SLC25A45: variants seen among roughly 807,000 people sequenced by gnomAD.
SLC25A45 encodes solute carrier family 25 member 45.
SLC25A45 carries 22 observed loss-of-function variants against 23.0 expected under a neutral mutation model. The ratio of observed to expected loss-of-function variants is 0.95; its 90% CI spans 0.68 to 1.36. The LOEUF (loss-of-function observed/expected upper bound fraction) is 1.36. Ranked by LOEUF, SLC25A45 falls within the 40% of genes most tolerant of loss-of-function variation. SLC25A45 has a pLI of 0.00. For synonymous variants in SLC25A45, 136 were observed against 155.0 expected (o/e 0.88, Z 0.91); for missense variants, 355 against 383.5 (o/e 0.93, Z 0.62).
At position 65,379,884 on chromosome 11, in the gene SLC25A45, TCTTGACCATGCAATCAA is replaced by T; in HGVS notation, c.119_135del (p.Val40AspfsTer5). 1 of 1,614,154 alleles carries T rather than the reference TCTTGACCATGCAATCAA, an allele frequency of 6.2e-7. No individual in the cohort carries two copies. The highest frequency in any genetic ancestry group is 8.5e-7 in the Non-Finnish European group (1 of 1,180,020). On this transcript the variant is annotated frameshift_variant, in exon 4 of 7. Transcript: ENST00000398802. LOFTEE classifies it high-confidence loss of function. The stretch of plus-strand genomic sequence containing the variant: ...CCACTCACGGACTCATGGCGGTAAA[TCTTGACCATGCAATCAA>T]CGATGCCCCGGTAGGTGGTCTGGGT...
At chr11:65,381,809 G>T in intron 2 of SLC25A45, 106 bp downstream of exon 2, 2 of 1,419,842 alleles carry the variant, frequency 1.4e-6, no homozygotes, top group South Asian at 1.1e-5. Context: ...CCTCCCGCCA[G>T]GCCGGAACTC....
At chr11:65,379,685 C>T in intron 4 of SLC25A45, 124 bp from the exon 5 acceptor site, 2 of 1,271,272 alleles carry the variant, frequency 1.6e-6, no homozygotes, top group South Asian at 1.5e-5. Flanking sequence ...GAAGTGGGGA[C>T]AGGCAGGGAT....
chr11:65,376,919 C>G lies in SLC25A45; in HGVS notation c.497G>C (p.Gly166Ala). 3 of 1,613,462 alleles carry G rather than the reference C, an allele frequency of 1.9e-6. No homozygotes were observed. Among genetic ancestry groups the G allele is most frequent in the Non-Finnish European group, 2.5e-6 (3 of 1,179,506 alleles). The change falls in exon 6 of 7, where the codon GGA becomes GCA. Residue 166 changes from glycine (G) to alanine (A), a missense_variant. Coordinates refer to ENST00000398802, the MANE Select transcript of SLC25A45 (RefSeq NM_182556.4). Reference sequence around the variant, plus strand: ...GTCCCTCAGCGTCAGGGCCCAGGCTCCTCGGAACAGCCCCCGGGGCCCCTC... The same window carrying G: ...GTCCCTCAGCGTCAGGGCCCAGGCTGCTCGGAACAGCCCCCGGGGCCCCTC... ...REEGPRGLFRGAWALTLRDTP... is the reference protein window; with the variant it reads ...REEGPRGLFRAAWALTLRDTP...
rs115561468 is a variant in SLC25A45, at chr11:65,380,110, C to T, written c.81+22G>A. 5.6e-3 allele frequency: 8,971 copies of T among 1,610,596 alleles called. 494 individuals carry two copies. In the African/African-American group the frequency reaches 0.11, roughly 19 times the overall value. On this transcript the variant is annotated intron_variant, in intron 3 of 6. Transcript: ENST00000398802. Reference sequence around the variant, plus strand: ...GGGTCAGGTGAGATCTTTCATTCCTCTGGCAGCTCTCCTAAACTCACCTTT... The same window carrying T: ...GGGTCAGGTGAGATCTTTCATTCCTTTGGCAGCTCTCCTAAACTCACCTTT...
chr11:65,381,535 A>T (rs1390429200), intron 2 of SLC25A45: 1 of 229,818 alleles, frequency 4.4e-6, no homozygotes, highest in African/African-American at 2.4e-5. Flanking sequence ...CTGGGATTAC[A>T]GGTGTGAGCC....
At position 65,382,456 on chromosome 11, in the gene SLC25A45, G is replaced by T. The variant is rs1389320520; in HGVS notation, c.-19+30C>A. On this transcript the variant is annotated intron_variant, in intron 1 of 6. Coordinates refer to ENST00000398802, the MANE Select transcript of SLC25A45 (RefSeq NM_182556.4). This position sits in a 1 kb window ranked among gnomAD's most constrained non-coding sequence, Gnocchi z 4.4. ...CGCATTTGCCGCTGCGTGGCAGGGT[G>T]GGGAGGAGCCACTCCCAGGAGTGAC... 2 of 182,504 alleles carry T rather than the reference G, an allele frequency of 1.1e-5. No homozygotes were observed. Among genetic ancestry groups the T allele is most frequent in the East Asian group, 1.4e-4 (1 of 7,382 alleles). The allele number at this position is 182,504 out of a possible 1,614,324, so 11.3% of individuals were successfully genotyped here.
intron 2 of SLC25A45, 36 bp from the exon 3 acceptor site, chr11:65,380,211 T>C: frequency 6.2e-7 from 1 of 1,613,906 alleles, no homozygotes; most frequent in East Asian, 2.2e-5. Context: ...GTGAGGGCCC[T>C]CGTGCCAGGC....
chr11:65,382,105 G>C lies in SLC25A45; in HGVS notation c.-18-136C>G. On this transcript the variant is annotated intron_variant, in intron 1 of 6. Coordinates refer to ENST00000398802, the MANE Select transcript of SLC25A45 (RefSeq NM_182556.4). The surrounding 1 kb of genome is among the most constrained non-coding windows in gnomAD (Gnocchi z 4.4). ...CTGGTGCCCAGACCTCCGGCAACTG[G>C]CAGAGGAGAGCGAGCCAGTTCCGGT... 1.4e-6 allele frequency: 1 copy of C among 691,412 alleles called. No individual in the cohort carries two copies. Among genetic ancestry groups the C allele is most frequent in the East Asian group, 2.7e-5 (1 of 36,964 alleles). 42.8% of individuals were successfully genotyped at this position (691,412 alleles called of 1,614,324 possible). A position where few individuals can be genotyped will look rare whatever the true frequency, so the allele number is the denominator to read the frequency against.
chr11:65,379,746 G>C, intron 4 of SLC25A45, 121 bp downstream of exon 4: 1 of 1,385,820 alleles, frequency 7.2e-7, no homozygotes, highest in Non-Finnish European at 1.0e-6. Context: ...GGCCCCCCAA[G>C]GATCCCAGAC....
rs1855635272 is a variant in SLC25A45 at position 65,382,638 on chromosome 11, T to C, written c.-171A>G. ...GTGTTGATCTGCAATGGCACCATTCTGCTCAGTCAAAACCAAAACCCTTTC... is the reference window on the plus strand; with the variant it reads ...GTGTTGATCTGCAATGGCACCATTCCGCTCAGTCAAAACCAAAACCCTTTC... On this transcript the variant is annotated 5_prime_UTR_variant, in exon 1 of 7. Coordinates refer to ENST00000398802, the MANE Select transcript of SLC25A45 (RefSeq NM_182556.4). The surrounding 1 kb of genome is among the most constrained non-coding windows in gnomAD (Gnocchi z 4.4). 6.5e-6 allele frequency: 1 copy of C among 152,964 alleles called. No homozygotes were observed. Among genetic ancestry groups the C allele is most frequent in the African/African-American group, 2.4e-5 (1 of 41,438 alleles). The allele number at this position is 152,964 out of a possible 1,614,324, so 9.5% of individuals were successfully genotyped here. A position where few individuals can be genotyped will look rare whatever the true frequency, so the allele number is the denominator to read the frequency against.
In SLC25A45 at chr11:65,382,530, T is replaced by TCC. The variant is rs369551172; in HGVS notation, c.-65_-64dup. On this transcript the variant is annotated 5_prime_UTR_variant, in exon 1 of 7. Transcript: ENST00000398802. The surrounding 1 kb of genome is among the most constrained non-coding windows in gnomAD (Gnocchi z 4.4). ...CAGGGTTGTTTACGACTCCCCCGAC[T>TCC]CCCCCGTGTGAGTCAGAAACACAGC... 1.7e-3 allele frequency: 260 copies of TCC among 154,990 alleles called. 1 individual carries two copies. Among genetic ancestry groups the TCC allele is most frequent in the African/African-American group, 6.1e-3 (252 of 41,584 alleles). The allele number at this position is 154,990 out of a possible 1,614,324, so 9.6% of individuals were successfully genotyped here. A position where few individuals can be genotyped will look rare whatever the true frequency, so the allele number is the denominator to read the frequency against.
At position 65,376,805 on chromosome 11, in the gene SLC25A45, C is replaced by A; in HGVS notation, c.598+13G>T. Reference sequence around the variant, plus strand: ...CACCTCTGTCCCCCATCCTCTCACGCCACTTTACTTACTGGGATTCTGGCC... The same window carrying A: ...CACCTCTGTCCCCCATCCTCTCACGACACTTTACTTACTGGGATTCTGGCC... On this transcript the variant is annotated intron_variant, in intron 6 of 6. Transcript: ENST00000398802. The A allele has an allele frequency of 6.2e-7, 1 of 1,614,238 alleles. No individual in the cohort carries two copies. Among genetic ancestry groups the A allele is most frequent in the Non-Finnish European group, 8.5e-7 (1 of 1,180,046 alleles).
chr11:65,377,070 A>G lies in SLC25A45; in HGVS notation c.346T>C (p.Cys116Arg), dbSNP rs887735791. ...GCTGGFLQAY[C>R]LAPFDLIKVR... ...TTGATGAGGTCAAAAGGAGCCAGAC[A>G]GTAGGCCTGTTGGTGATGAAACATG... Residue 116 changes from cysteine (C) to arginine (R), a missense_variant, in exon 6 of 7, where the codon TGT becomes CGT. Transcript: ENST00000398802. The G allele has an allele frequency of 1.2e-6, 2 of 1,613,090 alleles. No homozygotes were observed. The highest frequency in any genetic ancestry group is 1.7e-6 in the Non-Finnish European group (2 of 1,179,474).
intron 2 of SLC25A45, chr11:65,380,790 TAA>T (rs1307535924): frequency 1.2e-5 from 4 of 338,130 alleles, no homozygotes; most frequent in Non-Finnish European, 2.3e-5. Flanking sequence ...CTCTTTCTCC[TAA>T]GAGGAATGCC....
intron 4 of SLC25A45, 64 bp from the exon 5 acceptor site, chr11:65,379,625 C>A (rs936123363): frequency 1.3e-4 from 195 of 1,493,708 alleles, no homozygotes; most frequent in Non-Finnish European, 1.7e-4. Context: ...CCTCTCCACC[C>A]CTGGCAAGGC....
intron 5 of SLC25A45, 127 bp from the exon 6 acceptor site, chr11:65,377,203 C>T: frequency 6.9e-7 from 1 of 1,448,336 alleles, no homozygotes; most frequent in Non-Finnish European, 9.1e-7. Context: ...CCTGCCGGCA[C>T]CCAGCCTCTC....
At position 65,375,814 on chromosome 11, in the gene SLC25A45, G is replaced by A. The variant is rs1202622837; in HGVS notation, c.*593C>T. Reference sequence around the variant, plus strand: ...GCGGTGGCTCACGCCTGTAATCCCAGCACTTTGAGAGGCCGACGCGGGCGG... The same window carrying A: ...GCGGTGGCTCACGCCTGTAATCCCAACACTTTGAGAGGCCGACGCGGGCGG... On this transcript the variant is annotated 3_prime_UTR_variant, in exon 7 of 7. Transcript: ENST00000398802. 6.5e-6 allele frequency: 1 copy of A among 153,766 alleles called. No individual in the cohort carries two copies. Among genetic ancestry groups the A allele is most frequent in the Admixed American group, 6.4e-5 (1 of 15,558 alleles). 9.5% of individuals were successfully genotyped at this position (153,766 alleles called of 1,614,324 possible).
At chr11:65,377,821 GC>G (rs1238760511) in intron 5 of SLC25A45, 1 of 152,420 alleles carries the variant, frequency 6.6e-6, no homozygotes, top group Non-Finnish European at 1.5e-5. Context: ...GGTCAAGATA[GC>G]TTTTGGAGTC....
chr11:65,377,101 C>T, intron 5 of SLC25A45, 25 bp from the exon 6 acceptor site: 29 of 1,603,920 alleles, frequency 1.8e-5, no homozygotes, highest in Non-Finnish European at 2.4e-5. Context: ...ACATGAGGGC[C>T]CCGGGTGGGG....
Sources: allele counts gnomAD v4.1 joint callset, GRCh38; gene constraint gnomAD v4.1.1; non-coding constraint Gnocchi (gnomAD v3.1); transcripts MANE v1.5; gene names NCBI Gene and HGNC (gene_info 2026-07-23, HGNC 2026-07-21).